The following SV2B variants were observed in gnomAD, a reference collection of about 807,000 sequenced individuals.
SV2B encodes solute carrier family 22 member B2.
Under a neutral mutation model 73.9 loss-of-function variants are expected in SV2B, and 41 were observed. The ratio of observed to expected loss-of-function variants is 0.56; its 90% confidence interval spans 0.43 to 0.72. The LOEUF (loss-of-function observed/expected upper bound fraction) is 0.72. SV2B is among the 30% of genes least tolerant of loss of function. SV2B has a pLI of 0.00. For missense variants in SV2B, 764 were observed against 857.8 expected (o/e 0.89, Z 1.37); for synonymous variants, 314 against 314.2 (o/e 1.00, Z 0.01).
intron 1 of SV2B, among the ~76,000 whole-genome samples, chr15:91,117,142 C>A (rs983814811): frequency 1.3e-5 from 2 of 152,206 alleles, no homozygotes; most frequent in African/African-American, 4.8e-5. Context: ...AGAGCCACAT[C>A]TTTGTCTCCT....
chr15:91,206,510 G>T (rs570803259), intron 1 of SV2B, among the ~76,000 whole-genome samples: 1 of 152,278 alleles, frequency 6.6e-6, no homozygotes, highest in South Asian at 2.1e-4. Flanking sequence ...GTAAAAGTCA[G>T]AAACCTCTTC....
rs151000052 is a variant in SV2B, at chr15:91,132,210, G to T, written c.-392+31847G>T. On this transcript the variant is annotated intron_variant, in intron 1 of 12. Coordinates refer to ENST00000394232, the MANE Select transcript of SV2B (RefSeq NM_001323032.3). The surrounding 1 kb of genome is among the most constrained non-coding windows in gnomAD (Gnocchi z 4.6). The stretch of plus-strand genomic sequence containing the variant: ...AAGAGCCCAGCTACAGAATCGTCTC[G>T]GGTCCAAATACCCTCTAGAAGTTTC... 5.1e-4 allele frequency among the ~76,000 whole-genome samples: 78 copies of T among 152,298 alleles called. No homozygotes were observed. The highest frequency in any genetic ancestry group is 1.0e-3 in the Non-Finnish European group (68 of 68,018).
At position 91,136,224 on chromosome 15, in the gene SV2B, A is replaced by T. The variant is rs1032889660; in HGVS notation, c.-392+35861A>T. Among the ~76,000 whole-genome samples the T allele has an allele frequency of 2.0e-5, 3 of 152,222 alleles. No individual in the cohort carries two copies. Among genetic ancestry groups the T allele is most frequent in the Non-Finnish European group, 4.4e-5 (3 of 68,034 alleles). On this transcript the variant is annotated intron_variant, in intron 1 of 12. Transcript: ENST00000394232. This position sits in a 1 kb window ranked among gnomAD's most constrained non-coding sequence, Gnocchi z 5.6. ...GGCCTGCTGGAGAGAACTTAGCAGG[A>T]TGCCATTCAGGTGGGCATACTCAGA... is the stretch of plus-strand genomic sequence containing the variant.
upstream of SV2B, chr15:91,100,238 C>A (rs1368957362): frequency 6.6e-6 from 1 of 152,068 alleles, no homozygotes; most frequent in Non-Finnish European, 1.5e-5. The surrounding 1 kb of genome is among the most constrained non-coding windows in gnomAD (Gnocchi z 6.4). Context: ...AGGTGTGACA[C>A]CCGCCGGCGC....
chr15:91,216,387 G>A (rs1294703089), intron 1 of SV2B, among the ~76,000 whole-genome samples: 1 of 152,166 alleles, frequency 6.6e-6, no homozygotes, highest in African/African-American at 2.4e-5. Context: ...AGGACTACAG[G>A]CAAGTGAGAA....
Position 91,105,806 on chromosome 15 carries a change from T to C in SV2B, c.-392+5443T>C, listed in dbSNP as rs2041865678. On this transcript the variant is annotated intron_variant, in intron 1 of 12. Transcript: ENST00000394232. This position sits in a 1 kb window ranked among gnomAD's most constrained non-coding sequence, Gnocchi z 5.5. The stretch of plus-strand genomic sequence containing the variant: ...GTGAGAAGTTGTAATCCCAGCATTT[T>C]GGGAGGCCAAGGTGGGTGGATCACT... 6.6e-6 allele frequency among the ~76,000 whole-genome samples: 1 copy of C among 152,164 alleles called. No individual in the cohort carries two copies. The highest frequency in any genetic ancestry group is 1.5e-5 in the Non-Finnish European group (1 of 68,020).
intron 1 of SV2B, among the ~76,000 whole-genome samples, chr15:91,188,670 G>A (rs1389750795): frequency 6.6e-6 from 1 of 151,830 alleles, no homozygotes; most frequent in Non-Finnish European, 1.5e-5. Flanking sequence ...AGGTTACTTA[G>A]GGCCCGCTTT....
chr15:91,226,541 A>G lies in SV2B; in HGVS notation c.278A>G (p.His93Arg). ...ERLEDEEQLA[H>R]QYETIMDECG... ...CTGGAAGATGAGGAGCAGTTGGCCC[A>G]CCAGTACGAGACCATCATGGATGAG... Residue 93 changes from histidine (H) to arginine (R), a missense_variant, in exon 2 of 13, where the codon CAC becomes CGC. Physicochemically the swap from His to Arg is conservative, Grantham distance 29 (BLOSUM62 0). Transcript: ENST00000394232. 3 of 1,614,170 alleles carry G rather than the reference A, an allele frequency of 1.9e-6. No homozygotes were observed. The highest frequency in any genetic ancestry group is 2.5e-6 in the Non-Finnish European group (3 of 1,180,024).
rs1053471744 is a variant in SV2B, at chr15:91,133,188, C to A, written c.-392+32825C>A. Among the ~76,000 whole-genome samples, 9 of 152,246 alleles carry A rather than the reference C, an allele frequency of 5.9e-5. No homozygotes were observed. The East Asian group carries it at 1.7e-3, about 29-fold the overall frequency. ...TGCATTTGTAGGAATTAAGCATTTT[C>A]TCCTGCATCTCCTGCCCACAGCACA... is the stretch of plus-strand genomic sequence containing the variant. On this transcript the variant is annotated intron_variant, in intron 1 of 12. Transcript: ENST00000394232.
rs1461583607 is a variant in SV2B, at chr15:91,234,996, G to T, written c.451+8282G>T. Reference sequence around the variant, plus strand: ...TTTAGCTCAGGTCCATCTCACAGCGGGTCCTCAAGCTTGTTCTGTGGTTTT... The same window carrying T: ...TTTAGCTCAGGTCCATCTCACAGCGTGTCCTCAAGCTTGTTCTGTGGTTTT... On this transcript the variant is annotated intron_variant, in intron 2 of 12. Transcript: ENST00000394232. This position sits in a 1 kb window ranked among gnomAD's most constrained non-coding sequence, Gnocchi z 5.6. Among the ~76,000 whole-genome samples the T allele has an allele frequency of 1.3e-5, 2 of 152,174 alleles. No individual in the cohort carries two copies. The highest frequency in any genetic ancestry group is 2.9e-5 in the Non-Finnish European group (2 of 68,032).
At chr15:91,263,487 C>T (rs932056667) in intron 6 of SV2B, among the ~76,000 whole-genome samples, 2 of 151,564 alleles carry the variant, frequency 1.3e-5, no homozygotes, top group Admixed American at 1.3e-4. Flanking sequence ...GACACACACA[C>T]ACAGATACAC....
chr15:91,211,164 C>T (rs1184029255), intron 1 of SV2B, among the ~76,000 whole-genome samples: 4 of 152,188 alleles, frequency 2.6e-5, no homozygotes, highest in Non-Finnish European at 5.9e-5. Flanking sequence ...GGCCATGAGG[C>T]GGGGGCTGAT....
chr15:91,258,681 C>T lies in SV2B; in HGVS notation c.918+127C>T, dbSNP rs536957770. On this transcript the variant is annotated intron_variant, in intron 5 of 12. Coordinates refer to ENST00000394232, the MANE Select transcript of SV2B (RefSeq NM_001323032.3). This position sits in a 1 kb window ranked among gnomAD's most constrained non-coding sequence, Gnocchi z 4.7. ...TATGTGTTGCAAACTCTCCCCTGGTCGGCTGACCTCACTCATCATTGAATC... is the reference window on the plus strand; with the variant it reads ...TATGTGTTGCAAACTCTCCCCTGGTTGGCTGACCTCACTCATCATTGAATC... The T allele has an allele frequency of 1.1e-4, 149 of 1,354,720 alleles. 1 individual carries two copies. In the South Asian group the frequency reaches 1.3e-3, roughly 11 times the overall value. The allele number at this position is 1,354,720 out of a possible 1,614,324, so 83.9% of individuals were successfully genotyped here.
chr15:91,291,597 T>C (rs2049041584), intron 12 of SV2B, among the ~76,000 whole-genome samples: 2 of 152,230 alleles, frequency 1.3e-5, no homozygotes, highest in Admixed American at 1.3e-4. Flanking sequence ...TTGCTGTTGC[T>C]GACAGCAACC....
chr15:91,229,324 T>A lies in SV2B; in HGVS notation c.451+2610T>A, dbSNP rs532664280. 5.9e-5 allele frequency among the ~76,000 whole-genome samples: 9 copies of A among 152,282 alleles called. No individual in the cohort carries two copies. In the East Asian group the frequency reaches 1.5e-3, roughly 26 times the overall value. Reference sequence around the variant, plus strand: ...CTCTAATTCTCGGTGTTTCCATCTGTAGAATAAGAGCAGTAATGCAGTGCT... The same window carrying A: ...CTCTAATTCTCGGTGTTTCCATCTGAAGAATAAGAGCAGTAATGCAGTGCT... On this transcript the variant is annotated intron_variant, in intron 2 of 12. Coordinates refer to ENST00000394232, the MANE Select transcript of SV2B (RefSeq NM_001323032.3). The surrounding 1 kb of genome is among the most constrained non-coding windows in gnomAD (Gnocchi z 4.3).
intron 1 of SV2B, among the ~76,000 whole-genome samples, chr15:91,127,688 T>C (rs997002889): frequency 1.3e-5 from 2 of 151,798 alleles, no homozygotes; most frequent in African/African-American, 4.8e-5. Flanking sequence ...GGGAGCTGAG[T>C]TGCAGGGGGA....
chr15:91,206,371 C>T (rs2045641537), intron 1 of SV2B, among the ~76,000 whole-genome samples: 1 of 152,050 alleles, frequency 6.6e-6, no homozygotes, highest in South Asian at 2.1e-4. Context: ...TAAGGAAGCT[C>T]CCCCTTCCAG....
At chr15:91,099,794 C>T (rs955407725), upstream of SV2B, among the ~76,000 whole-genome samples, 8 of 152,138 alleles carry the variant, frequency 5.3e-5, no homozygotes, top group Non-Finnish European at 8.8e-5. Flanking sequence ...GATTCCCCTT[C>T]CCGGGAACTT....
intron 1 of SV2B, among the ~76,000 whole-genome samples, chr15:91,162,097 A>G (rs2043740895): frequency 6.6e-6 from 1 of 152,214 alleles, no homozygotes; most frequent in Non-Finnish European, 1.5e-5. Flanking sequence ...AACATCTGAT[A>G]ATACATGCTA....
Sources: gnomAD v4.1 joint callset for allele counts (sites outside exome capture counted in the v4.1 genomes callset) on GRCh38, gnomAD v4.1.1 for gene constraint, Gnocchi (gnomAD v3.1) non-coding constraint, MANE v1.5 for transcripts, NCBI Gene and HGNC (gene_info 2026-07-23, HGNC 2026-07-21) for gene names.